The following TSPEAR variants were observed in gnomAD, a reference collection of about 807,000 sequenced individuals.
TSPEAR encodes the protein thrombospondin type laminin G domain and EAR repeats, also known as thrombospondin-type laminin G domain and EAR repeat-containing protein.
Under a neutral mutation model 71.6 loss-of-function variants are expected in TSPEAR, and 69 were observed. The ratio of observed to expected loss-of-function variants is 0.96; its 90% CI spans 0.79 to 1.18. The LOEUF is 1.18. Ranked by LOEUF, TSPEAR falls within the 50% of genes most tolerant of loss-of-function variation. The pLI is 0.00. For synonymous variants in TSPEAR, 402 were observed against 387.2 expected, an observed-to-expected ratio of 1.04 and a Z score of -0.45; for missense variants, 971 against 894.9, an observed-to-expected ratio of 1.09 and a Z score of -1.09.
chr21:44,510,594 C>G (rs1233123161), intron 9 of TSPEAR: 3 of 152,300 alleles, frequency 2.0e-5, no homozygotes, highest in Non-Finnish European at 2.9e-5. Flanking sequence ...CGGCGCCTGC[C>G]CGGCCGGCTC....
intron 8 of TSPEAR, among the ~76,000 whole-genome samples, chr21:44,524,705 T>C (rs587645369): frequency 7.9e-5 from 12 of 151,920 alleles, no homozygotes; most frequent in Non-Finnish European, 1.0e-4. Flanking sequence ...AGTCAGTTAA[T>C]CAGGTAGTTA....
chr21:44,594,920 C>T (rs1555927445), intron 1 of TSPEAR, among the ~76,000 whole-genome samples: 4 of 148,184 alleles, frequency 2.7e-5, no homozygotes. Context: ...CCTCCTGGTT[C>T]AAGCAATTCT....
chr21:44,624,636 G>A lies in TSPEAR; in HGVS notation c.83-56631C>T, dbSNP rs782420926. Among the ~76,000 whole-genome samples the A allele has an allele frequency of 1.3e-4, 20 of 152,282 alleles. 1 individual carries two copies. Among genetic ancestry groups the A allele is most frequent in the African/African-American group, 2.2e-4 (9 of 41,540 alleles). On this transcript the variant is annotated intron_variant, in intron 1 of 11. Coordinates refer to ENST00000323084, the MANE Select transcript of TSPEAR (RefSeq NM_144991.3). ...TCCGTTTTTTCCTTCATCCTAGGGC[G>A]TAATCCTTCACTTATATTCACTGTT...
At chr21:44,503,439 C>A (rs1241823624) in intron 11 of TSPEAR, among the ~76,000 whole-genome samples, 2 of 123,200 alleles carry the variant, frequency 1.6e-5, no homozygotes, top group African/African-American at 3.1e-5. Flanking sequence ...CGGGGGGAAG[C>A]AAGGCTCTGG....
At chr21:44,568,866 G>T (rs782398405) in intron 1 of TSPEAR, among the ~76,000 whole-genome samples, 2 of 152,178 alleles carry the variant, frequency 1.3e-5, no homozygotes, top group African/African-American at 2.4e-5. Flanking sequence ...CCTCAGCCTG[G>T]CATGAGGGTG....
At chr21:44,685,195 C>CCA (rs1986799775) in intron 1 of TSPEAR, among the ~76,000 whole-genome samples, 1 of 152,182 alleles carries the variant, frequency 6.6e-6, no homozygotes, top group Admixed American at 6.5e-5. Flanking sequence ...ACAGGAGGAC[C>CCA]CACACAGGAG....
At chr21:44,596,601 G>A (rs751548595) in intron 1 of TSPEAR, among the ~76,000 whole-genome samples, 5 of 152,218 alleles carry the variant, frequency 3.3e-5, no homozygotes, top group Admixed American at 6.5e-5. Flanking sequence ...TGCCAAAGCC[G>A]TGGAGCAACC....
intron 2 of TSPEAR, chr21:44,540,032 G>T (rs782536080): frequency 1.2e-6 from 2 of 1,613,048 alleles, no homozygotes; most frequent in Non-Finnish European, 1.7e-6. Context: ...CAGGCAGGGG[G>T]CCGGGGCGCA....
chr21:44,503,302 A>AGTG, intron 11 of TSPEAR, among the ~76,000 whole-genome samples: 1 of 138,818 alleles, frequency 7.2e-6, no homozygotes, highest in African/African-American at 2.7e-5. Flanking sequence ...GGGGGGAAGC[A>AGTG]AGGCTCTGGG....
intron 10 of TSPEAR, 199 bp downstream of exon 10, chr21:44,509,000 C>A (rs782398806): frequency 7.8e-5 from 117 of 1,506,734 alleles, no homozygotes; most frequent in Non-Finnish European, 9.4e-5. Context: ...TGTCTCAGGG[C>A]GGCACTGACT....
chr21:44,591,460 G>A, intron 1 of TSPEAR: 1 of 1,614,078 alleles, frequency 6.2e-7, no homozygotes, highest in South Asian at 1.1e-5. Flanking sequence ...GCAGAGGAGG[G>A]AAACACAGGA....
At chr21:44,671,631 T>C (rs369404853) in intron 1 of TSPEAR, among the ~76,000 whole-genome samples, 1 of 152,160 alleles carries the variant, frequency 6.6e-6, no homozygotes, top group Non-Finnish European at 1.5e-5. Flanking sequence ...ACTAAACTAC[T>C]GCATGCACCC....
At chr21:44,595,483 A>T (rs1980304161) in intron 1 of TSPEAR, among the ~76,000 whole-genome samples, 1 of 152,230 alleles carries the variant, frequency 6.6e-6, no homozygotes, top group African/African-American at 2.4e-5. Flanking sequence ...TAGTTGATTT[A>T]TCAACACTGA....
intron 1 of TSPEAR, chr21:44,658,292 G>A: frequency 6.2e-7 from 1 of 1,610,348 alleles, no homozygotes; most frequent in South Asian, 1.1e-5. Context: ...TGGTACACGG[G>A]GGTACACACC....
intron 1 of TSPEAR, among the ~76,000 whole-genome samples, chr21:44,616,102 G>A (rs1327946245): frequency 2.0e-5 from 3 of 152,150 alleles, no homozygotes; most frequent in African/African-American, 7.2e-5. Context: ...CAGCGTGTCG[G>A]CGGGCACCTC....
chr21:44,523,542 G>A (rs1555914585), intron 8 of TSPEAR, among the ~76,000 whole-genome samples: 2 of 151,404 alleles, frequency 1.3e-5, no homozygotes, highest in Admixed American at 6.6e-5. Context: ...TTAAGTCATT[G>A]AGATGGTCAG....
intron 9 of TSPEAR, among the ~76,000 whole-genome samples, chr21:44,514,645 ACTC>A (rs1369040250): frequency 1.3e-5 from 2 of 151,950 alleles, no homozygotes; most frequent in Non-Finnish European, 2.9e-5. Flanking sequence ...TGCACGGCCT[ACTC>A]CTCGTCAGCT....
At chr21:44,586,003 C>T (rs1264079118) in intron 1 of TSPEAR, among the ~76,000 whole-genome samples, 1 of 152,238 alleles carries the variant, frequency 6.6e-6, no homozygotes, top group Non-Finnish European at 1.5e-5. Flanking sequence ...TGGCTGAGTA[C>T]AGGGGCTTTG....
intron 1 of TSPEAR, among the ~76,000 whole-genome samples, chr21:44,670,676 G>A (rs1986012404): frequency 6.6e-6 from 1 of 152,142 alleles, no homozygotes; most frequent in Admixed American, 6.5e-5. Flanking sequence ...GATTTGCCAG[G>A]ATGCCACATA....
Sources: allele counts gnomAD v4.1 joint callset (sites outside exome capture counted in the v4.1 genomes callset), GRCh38; gene constraint gnomAD v4.1.1; transcripts MANE v1.5; gene names NCBI Gene and HGNC (gene_info 2026-07-23, HGNC 2026-07-21).